Variants in SUGCT observed in about 807,000 individuals in gnomAD.
SUGCT encodes the protein succinyl-CoA:glutarate CoA-transferase.
In SUGCT, 41 loss-of-function variants were observed where a neutral mutation model predicts 55.0. That is an observed-to-expected ratio of 0.74 (90% CI 0.58 to 0.97). SUGCT has a LOEUF of 0.97. SUGCT is among the 50% of genes least tolerant of loss of function. The pLI, the probability that SUGCT is intolerant of heterozygous loss-of-function variation, is 0.00. For missense variants in SUGCT, 568 were observed against 547.8 expected, an observed-to-expected ratio of 1.04 and a Z score of -0.37; for synonymous variants, 187 against 200.4, an observed-to-expected ratio of 0.93 and a Z score of 0.56.
intron 12 of SUGCT, among the ~76,000 whole-genome samples, chr7:40,612,012 C>G (rs376742177): frequency 6.9e-5 from 10 of 145,270 alleles, no homozygotes; most frequent in Admixed American, 6.9e-4. Flanking sequence ...ATTCCCCCCC[C>G]TTTTTTTTTT....
chr7:40,718,018 C>T (rs553322858), intron 12 of SUGCT, among the ~76,000 whole-genome samples: 4 of 152,128 alleles, frequency 2.6e-5, no homozygotes, highest in African/African-American at 9.6e-5. Flanking sequence ...AAAGATATGT[C>T]TTTAATAAAC....
chr7:40,301,697 G>C (rs1040327956), intron 8 of SUGCT, among the ~76,000 whole-genome samples: 3 of 152,208 alleles, frequency 2.0e-5, no homozygotes, highest in African/African-American at 7.2e-5. Flanking sequence ...GGCCAGAGAA[G>C]GACTGTGCCA....
intron 13 of SUGCT, among the ~76,000 whole-genome samples, chr7:40,752,869 G>T (rs1332106996): frequency 6.6e-6 from 1 of 152,020 alleles, no homozygotes; most frequent in Admixed American, 6.5e-5. Flanking sequence ...TTCTATTTTT[G>T]TTTAGTGTTT....
chr7:40,334,936 G>A (rs1047908774), intron 9 of SUGCT, among the ~76,000 whole-genome samples: 16 of 152,168 alleles, frequency 1.1e-4, no homozygotes, highest in Admixed American at 4.6e-4. Flanking sequence ...TGTATAAGGC[G>A]TAAGGAAGGG....
At chr7:40,908,575 A>C in the SUGCT span, among the ~76,000 whole-genome samples, 10 of 152,172 alleles carry the variant, frequency 6.6e-5, no homozygotes, top group African/African-American at 2.2e-4. Flanking sequence ...AATTTGGCCA[A>C]ATATATCATA....
intron 7 of SUGCT, among the ~76,000 whole-genome samples, chr7:40,257,430 G>A (rs1790884215): frequency 6.6e-6 from 1 of 151,802 alleles, no homozygotes; most frequent in Non-Finnish European, 1.5e-5. Context: ...TGGTTTATAA[G>A]CACCAGAAAT....
chr7:40,665,940 T>A (rs557357543), intron 12 of SUGCT, among the ~76,000 whole-genome samples: 1 of 152,298 alleles, frequency 6.6e-6, no homozygotes, highest in East Asian at 1.9e-4. Context: ...TATATACTTA[T>A]ATATGCAGGC....
intron 8 of SUGCT, among the ~76,000 whole-genome samples, chr7:40,287,536 C>A (rs537847647): frequency 6.6e-6 from 1 of 150,446 alleles, no homozygotes; most frequent in African/African-American, 2.5e-5. Context: ...CTCTGTCTGT[C>A]ACGCAGGCTG....
chr7:40,228,535 C>T (rs952954590), intron 6 of SUGCT, among the ~76,000 whole-genome samples: 1 of 150,964 alleles, frequency 6.6e-6, no homozygotes, highest in African/African-American at 2.4e-5. Context: ...TTTTTTTGGC[C>T]AAAAATACTT....
chr7:40,136,289 C>T (rs545261915), intron 1 of SUGCT, among the ~76,000 whole-genome samples: 1 of 152,286 alleles, frequency 6.6e-6, no homozygotes, highest in African/African-American at 2.4e-5. Flanking sequence ...TGAGCCACCG[C>T]GCCTGGCGTA....
At chr7:40,664,529 C>G (rs955412181) in intron 12 of SUGCT, among the ~76,000 whole-genome samples, 8 of 152,038 alleles carry the variant, frequency 5.3e-5, no homozygotes, top group Non-Finnish European at 1.0e-4. Flanking sequence ...CCCTGAAGAA[C>G]GGAATGAGCA....
chr7:40,562,231 G>A (rs1337192170), intron 12 of SUGCT, among the ~76,000 whole-genome samples: 9 of 151,460 alleles, frequency 5.9e-5, no homozygotes, highest in South Asian at 2.1e-4. Flanking sequence ...CCTGGGAGGC[G>A]GAGCTTGCAG....
intron 8 of SUGCT, among the ~76,000 whole-genome samples, chr7:40,302,202 CAACACTCTTCCTTCT>C (rs1003778197): frequency 2.6e-5 from 4 of 152,158 alleles, no homozygotes; most frequent in African/African-American, 9.7e-5. Flanking sequence ...GATATACATT[CAACACTCTTCCTTCT>C]AACACTCTCC....
Position 40,372,251 on chromosome 7 carries a change from A to G in SUGCT, c.816+55396A>G, listed in dbSNP as rs17171700. On this transcript the variant is annotated intron_variant, in intron 9 of 13. Coordinates refer to ENST00000335693, the MANE Select transcript of SUGCT (RefSeq NM_001193313.2). ...TCATCTGTCAGGTGTCTGTGTCTTT[A>G]TTAGTCATCTGGAATTTTGAAGACT... 5.2e-4 allele frequency among the ~76,000 whole-genome samples: 79 copies of G among 152,192 alleles called. No homozygotes were observed. In the East Asian group the frequency reaches 0.014, roughly 27 times the overall value.
intron 9 of SUGCT, among the ~76,000 whole-genome samples, chr7:40,348,644 T>C (rs1480622251): frequency 6.6e-6 from 1 of 152,160 alleles, no homozygotes; most frequent in East Asian, 1.9e-4. Context: ...TTTAGGTCTC[T>C]GTCTGTCCTT....
At chr7:40,904,599 A>G in the SUGCT span, among the ~76,000 whole-genome samples, 426 of 152,308 alleles carry the variant, frequency 2.8e-3, 1 homozygote, top group African/African-American at 9.1e-3. Flanking sequence ...TTGTGAGAAT[A>G]TGAAAATCTT....
chr7:40,654,549 C>T (rs59580052), intron 12 of SUGCT, among the ~76,000 whole-genome samples: 16,148 of 152,192 alleles, frequency 0.11, 864 homozygotes, highest in Middle Eastern at 0.2. Flanking sequence ...CAGAGTGTAA[C>T]GAGAGCAAAT....
chr7:40,689,874 G>A (rs1784616752), intron 12 of SUGCT, among the ~76,000 whole-genome samples: 1 of 152,116 alleles, frequency 6.6e-6, no homozygotes, highest in South Asian at 2.1e-4. Context: ...TAATTCCTAT[G>A]ACTTACCCCT....
At chr7:40,785,398 T>A (rs1385691374) in intron 13 of SUGCT, among the ~76,000 whole-genome samples, 2 of 152,216 alleles carry the variant, frequency 1.3e-5, no homozygotes, top group Non-Finnish European at 2.9e-5. Context: ...TAAGTCCTAT[T>A]AAAGAAAGCT....
Sources: allele counts gnomAD v4.1 joint callset (sites outside exome capture counted in the v4.1 genomes callset), GRCh38; gene constraint gnomAD v4.1.1; transcripts MANE v1.5; gene names NCBI Gene and HGNC (gene_info 2026-07-23, HGNC 2026-07-21).